The following ZDHHC5 variants were observed in gnomAD, a reference collection of about 807,000 sequenced individuals.
ZDHHC5 encodes zDHHC palmitoyltransferase 5, also known as palmitoyltransferase ZDHHC5.
ZDHHC5 carries 22 observed loss-of-function variants against 70.0 expected under a neutral mutation model. The ratio of observed to expected loss-of-function variants is 0.31; its 90% CI spans 0.22 to 0.45. The LOEUF (loss-of-function observed/expected upper bound fraction) is 0.45. Ranked by LOEUF, ZDHHC5 falls within the 20% of genes least tolerant of loss-of-function variation. The probability of loss-of-function intolerance (pLI) is 1.00; values close to 1 mark genes in which losing one functional copy is unlikely to be tolerated. For synonymous variants in ZDHHC5, 313 were observed against 347.8 expected (o/e 0.90, Z 1.11); for missense variants, 746 against 926.9 (o/e 0.80, Z 2.53).
chr11:57,694,976 T>G lies in ZDHHC5; in HGVS notation c.886-944T>G, dbSNP rs933706346. Among the ~76,000 whole-genome samples the G allele has an allele frequency of 5.9e-5, 9 of 151,760 alleles. 1 individual carries two copies. In the South Asian group the frequency reaches 1.9e-3, roughly 32 times the overall value. On this transcript the variant is annotated intron_variant, in intron 8 of 11. Coordinates refer to ENST00000287169, the MANE Select transcript of ZDHHC5 (RefSeq NM_015457.3). ...AGACTAAAATAAAAAATAGAAAAAT[T>G]TTCTGGCTGGGCGTAGTGGCTTATG...
At chr11:57,687,756 GTTTTTTTTT>G (rs746146074) in intron 3 of ZDHHC5, among the ~76,000 whole-genome samples, 2 of 75,274 alleles carry the variant, frequency 2.7e-5, no homozygotes, top group African/African-American at 1.0e-4. Flanking sequence ...TTTTGGGAAA[GTTTTTTTTT>G]TTTTTTTTTT....
At chr11:57,698,344 TACTC>T (rs1331028977) in intron 10 of ZDHHC5, among the ~76,000 whole-genome samples, 2 of 152,218 alleles carry the variant, frequency 1.3e-5, no homozygotes, top group Non-Finnish European at 2.9e-5. Context: ...ACGGGCGAGA[TACTC>T]AGCCTTTCTA....
At chr11:57,684,226 C>T (rs1946183195) in intron 3 of ZDHHC5, among the ~76,000 whole-genome samples, 1 of 152,190 alleles carries the variant, frequency 6.6e-6, no homozygotes, top group African/African-American at 2.4e-5. Context: ...TCGCCTGCCT[C>T]AGCTTCCCAA....
chr11:57,696,897 G>A, intron 10 of ZDHHC5, 24 bp downstream of exon 10: 1 of 1,609,218 alleles, frequency 6.2e-7, no homozygotes, highest in Non-Finnish European at 8.5e-7. Context: ...TAAGAGGTGG[G>A]GTAATAACAT....
At chr11:57,690,845 T>C (rs1433925575) in intron 6 of ZDHHC5, among the ~76,000 whole-genome samples, 2 of 152,036 alleles carry the variant, frequency 1.3e-5, no homozygotes, top group Non-Finnish European at 2.9e-5. Context: ...CTGGGGCCTG[T>C]TGTGGGGCAG....
rs7121169 is a variant in ZDHHC5 at position 57,685,071 on chromosome 11, G to C, written c.226+2528G>C. The stretch of plus-strand genomic sequence containing the variant: ...GCTGAGGCAGGAGAATCGCTTGAGT[G>C]GGGGAGGCAGAGTTTGCAGTGAGCC... On this transcript the variant is annotated intron_variant, in intron 3 of 11. Transcript: ENST00000287169. Among the ~76,000 whole-genome samples, 997 of 151,666 alleles carry C rather than the reference G, an allele frequency of 6.6e-3. 4 individuals are homozygous for C. The highest frequency in any genetic ancestry group is 0.01 in the Non-Finnish European group (701 of 67,946).
intron 2 of ZDHHC5, among the ~76,000 whole-genome samples, chr11:57,675,524 A>G (rs1176090273): frequency 6.6e-6 from 1 of 152,224 alleles, no homozygotes; most frequent in Non-Finnish European, 1.5e-5. Context: ...GGAGGACAAT[A>G]TTGACCTTAT....
Position 57,695,973 on chromosome 11 carries a change from A to G in ZDHHC5, c.939A>G (p.Pro313=), listed in dbSNP as rs771877390. 2 of 1,613,754 alleles carry G rather than the reference A, an allele frequency of 1.2e-6. No individual in the cohort carries two copies. Among genetic ancestry groups the G allele is most frequent in the Non-Finnish European group, 1.7e-6 (2 of 1,179,970 alleles). The change falls in exon 9 of 12, where the codon CCA becomes CCG. Residue 313 remains proline (P), a synonymous_variant. Coordinates refer to ENST00000287169, the MANE Select transcript of ZDHHC5 (RefSeq NM_015457.3). The part of the protein sequence containing the change: ...TESQSADAEP[P]PPPKPDLSRY... ...GCCAGTCTGCAGATGCTGAACCTCC[A>G]CCTCCTCCTAAGCCAGACCTGAGCC...
intron 3 of ZDHHC5, among the ~76,000 whole-genome samples, chr11:57,686,004 G>A (rs914811013): frequency 2.0e-5 from 3 of 152,252 alleles, no homozygotes; most frequent in African/African-American, 7.2e-5. Flanking sequence ...TCCAGCGACA[G>A]TGTGAGACTA....
chr11:57,676,242 A>C (rs1425941585), intron 2 of ZDHHC5, among the ~76,000 whole-genome samples: 1 of 152,210 alleles, frequency 6.6e-6, no homozygotes, highest in Non-Finnish European at 1.5e-5. Context: ...TCTTGAACAG[A>C]ACAGTTCAGG....
intron 2 of ZDHHC5, among the ~76,000 whole-genome samples, chr11:57,675,944 T>C (rs1242944323): frequency 2.0e-5 from 3 of 152,220 alleles, no homozygotes; most frequent in Non-Finnish European, 2.9e-5. Context: ...CTAGCTCCTA[T>C]GTGGGGCTGT....
intron 2 of ZDHHC5, among the ~76,000 whole-genome samples, chr11:57,680,747 A>T (rs116108194): frequency 5.9e-5 from 9 of 152,288 alleles, no homozygotes; most frequent in African/African-American, 2.2e-4. Flanking sequence ...GGAACCTAGG[A>T]GGTCAGGCTT....
At chr11:57,695,865 A>G in intron 8 of ZDHHC5, 55 bp from the exon 9 acceptor site, 1 of 1,584,914 alleles carries the variant, frequency 6.3e-7, no homozygotes, top group South Asian at 1.2e-5. Flanking sequence ...TAATACTTTG[A>G]GTTGCCATAA....
In ZDHHC5 at chr11:57,672,457, G is replaced by T; in HGVS notation, c.-634G>T. On this transcript the variant is annotated 5_prime_UTR_variant, in exon 2 of 12. Transcript: ENST00000287169. The stretch of plus-strand genomic sequence containing the variant: ...CCTGGTGAAGTCAGGGTGTGGGAGT[G>T]GTGGCATTGAGAAGACTACCTAAAA... The T allele has an allele frequency of 2.6e-6, 1 of 382,776 alleles. No individual in the cohort carries two copies. The highest frequency in any genetic ancestry group is 4.6e-6 in the Non-Finnish European group (1 of 216,704). The allele number at this position is 382,776 out of a possible 1,614,324, so 23.7% of individuals were successfully genotyped here. A position where few individuals can be genotyped will look rare whatever the true frequency, so the allele number is the denominator to read the frequency against.
In ZDHHC5 at chr11:57,699,376, CTG is replaced by C; in HGVS notation, c.1941_1942del (p.Glu648AspfsTer15). 6.3e-7 allele frequency: 1 copy of C among 1,599,726 alleles called. No individual in the cohort carries two copies. The highest frequency in any genetic ancestry group is 2.2e-5 in the East Asian group (1 of 44,698). On this transcript the variant is annotated frameshift_variant, in exon 11 of 12. Coordinates refer to ENST00000287169, the MANE Select transcript of ZDHHC5 (RefSeq NM_015457.3). LOFTEE classifies it high-confidence loss of function. ...AGCCAAAAAGCCCAACCTGGTGTCT[CTG>C]AGACAGAAGAAGTGGCCTTGCAGCC...
rs1309982549 is a variant in ZDHHC5, at chr11:57,700,830, C to G, written c.*799C>G. 1 of 152,622 alleles carries G rather than the reference C, an allele frequency of 6.6e-6. No individual in the cohort carries two copies. The highest frequency in any genetic ancestry group is 2.4e-5 in the African/African-American group (1 of 41,450). The allele number at this position is 152,622 out of a possible 1,614,324, so 9.5% of individuals were successfully genotyped here. ...TCAAACAATATTGGATAATCCCCTC[C>G]TTGGGGGAGAGGGATTAGAGTGTGC... On this transcript the variant is annotated 3_prime_UTR_variant, in exon 12 of 12. Coordinates refer to ENST00000287169, the MANE Select transcript of ZDHHC5 (RefSeq NM_015457.3).
intron 3 of ZDHHC5, among the ~76,000 whole-genome samples, chr11:57,687,779 TTTTAAGATG>T (rs1946227645): frequency 8.6e-6 from 1 of 116,600 alleles, no homozygotes; most frequent in Non-Finnish European, 1.8e-5. Flanking sequence ...TTTTTTTTTT[TTTTAAGATG>T]AAGATGAAGT....
rs570582698 is a variant in ZDHHC5, at chr11:57,690,644, T to C, written c.660+207T>C. 2.6e-5 allele frequency among the ~76,000 whole-genome samples: 4 copies of C among 152,288 alleles called. No individual in the cohort carries two copies. In the South Asian group the frequency reaches 8.3e-4, roughly 32 times the overall value. On this transcript the variant is annotated intron_variant, in intron 6 of 11. Coordinates refer to ENST00000287169, the MANE Select transcript of ZDHHC5 (RefSeq NM_015457.3). ...AAGAATAGAGGCCATTTCTCACATATACACCATGGAATACTATGCAGCCAT... is the reference window on the plus strand; with the variant it reads ...AAGAATAGAGGCCATTTCTCACATACACACCATGGAATACTATGCAGCCAT...
At chr11:57,690,477 C>T (rs1200518673) in intron 6 of ZDHHC5, 40 bp downstream of exon 6, 2 of 1,599,726 alleles carry the variant, frequency 1.3e-6, no homozygotes, top group Admixed American at 1.7e-5. Context: ...AAGAGCAGGT[C>T]ATGTCTCTTT....
Sources: allele counts gnomAD v4.1 joint callset (sites outside exome capture counted in the v4.1 genomes callset), GRCh38; gene constraint gnomAD v4.1.1; transcripts MANE v1.5; gene names NCBI Gene and HGNC (gene_info 2026-07-23, HGNC 2026-07-21).